The following KIAA0825 variants were observed in gnomAD, a reference collection of about 807,000 sequenced individuals.
KIAA0825 encodes the protein KIAA0825.
In KIAA0825, 119 loss-of-function variants were observed where a neutral mutation model predicts 147.6. The observed-to-expected ratio is 0.81, with a 90% CI of 0.69 to 0.94. KIAA0825 has a LOEUF of 0.94. Ranked by LOEUF, KIAA0825 falls within the 40% of genes least tolerant of loss-of-function variation. The pLI, the probability that KIAA0825 is intolerant of heterozygous loss-of-function variation, is 0.00. For missense variants in KIAA0825, 1,381 were observed against 1,472.7 expected (o/e 0.94, Z 1.02); for synonymous variants, 470 against 518.1 (o/e 0.91, Z 1.26).
chr5:94,438,391 G>A (rs953599083), intron 14 of KIAA0825, among the ~76,000 whole-genome samples: 6 of 152,214 alleles, frequency 3.9e-5, no homozygotes, highest in Non-Finnish European at 5.9e-5. Context: ...ATGTGAGGAA[G>A]TAGATTCCCT....
intron 20 of KIAA0825, among the ~76,000 whole-genome samples, chr5:94,374,597 G>A (rs986628974): frequency 2.0e-5 from 3 of 152,166 alleles, no homozygotes; most frequent in Non-Finnish European, 4.4e-5. Context: ...TATAGCCAGT[G>A]TCTGAGCAAG....
intron 20 of KIAA0825, among the ~76,000 whole-genome samples, chr5:94,279,126 G>T (rs996360304): frequency 6.6e-6 from 1 of 152,014 alleles, no homozygotes; most frequent in Non-Finnish European, 1.5e-5. Flanking sequence ...GTAACAGGCT[G>T]TAGGAAAAAT....
intron 20 of KIAA0825, among the ~76,000 whole-genome samples, chr5:94,383,874 A>G (rs1748776628): frequency 2.0e-5 from 3 of 151,870 alleles, no homozygotes; most frequent in Admixed American, 1.3e-4. Context: ...GACAGTACCA[A>G]CATAACTGGC....
intron 20 of KIAA0825, among the ~76,000 whole-genome samples, chr5:94,347,169 G>C (rs1437193348): frequency 1.3e-5 from 2 of 152,114 alleles, no homozygotes; most frequent in Non-Finnish European, 2.9e-5. Flanking sequence ...CCTAAGAAGA[G>C]TCTCAGCTCA....
At chr5:94,227,662 G>A (rs1252591457) in intron 20 of KIAA0825, among the ~76,000 whole-genome samples, 13 of 152,110 alleles carry the variant, frequency 8.5e-5, no homozygotes, top group African/African-American at 3.1e-4. Flanking sequence ...ATGAGTTCAT[G>A]TCCTTTGCAG....
chr5:94,292,450 A>G (rs900123617), intron 20 of KIAA0825, among the ~76,000 whole-genome samples: 2 of 152,156 alleles, frequency 1.3e-5, no homozygotes, highest in African/African-American at 4.8e-5. Flanking sequence ...CATCCCAGGG[A>G]TGAAAGCGAC....
rs530115638 is a variant in KIAA0825 at position 94,271,160 on chromosome 5, C to T, written c.3710+113208G>A. On this transcript the variant is annotated intron_variant, in intron 20 of 20. Transcript: ENST00000682413. ...GACTAAAGACTTAAATCTAAGACCT[C>T]AAACTAAAGAAAACATTATAAGAAC... Among the ~76,000 whole-genome samples the T allele has an allele frequency of 3.9e-5, 6 of 152,014 alleles. No homozygotes were observed. In the South Asian group the frequency reaches 1.2e-3, roughly 31 times the overall value.
intron 5 of KIAA0825, among the ~76,000 whole-genome samples, chr5:94,516,575 G>A (rs1017468005): frequency 1.3e-5 from 2 of 151,466 alleles, no homozygotes; most frequent in Middle Eastern, 3.4e-3. Flanking sequence ...AGGCCGAGGC[G>A]GGCGGATCAC....
Position 94,152,844 on chromosome 5 carries a change from AAAAAAAAAAAATTATATATATAT to A in KIAA0825, c.*1140_*1162del, listed in dbSNP as rs1562283955. ...ATGAAAAAAAAAAAAAAAAAAAAAAAAAAAAAAAAAATTATATATATATATATATATATATATATATATATATA... is the reference window on the plus strand; with the variant it reads ...ATGAAAAAAAAAAAAAAAAAAAAAAAATATATATATATATATATATATATA... On this transcript the variant is annotated 3_prime_UTR_variant, in exon 21 of 21. Transcript: ENST00000682413. The A allele has an allele frequency of 1.4e-4, 5 of 36,280 alleles. No homozygotes were observed. Among genetic ancestry groups the A allele is most frequent in the African/African-American group, 5.0e-4 (5 of 10,058 alleles). 2.2% of individuals were successfully genotyped at this position (36,280 alleles called of 1,614,324 possible).
intron 20 of KIAA0825, among the ~76,000 whole-genome samples, chr5:94,307,436 G>C (rs1427699489): frequency 6.6e-6 from 1 of 151,640 alleles, no homozygotes; most frequent in Non-Finnish European, 1.5e-5. Flanking sequence ...CTGTCACTGT[G>C]CTCAAAGCCC....
intron 2 of KIAA0825, among the ~76,000 whole-genome samples, chr5:94,558,896 TA>T (rs1777054804): frequency 6.6e-6 from 1 of 152,230 alleles, no homozygotes; most frequent in Admixed American, 6.5e-5. Flanking sequence ...AGAAGGATCA[TA>T]ACAAACAGAT....
chr5:94,503,087 T>A (rs201268178), intron 5 of KIAA0825, among the ~76,000 whole-genome samples: 2 of 141,872 alleles, frequency 1.4e-5, no homozygotes, highest in African/African-American at 5.2e-5. Flanking sequence ...TATATATATA[T>A]GATATATATA....
At chr5:94,618,303 G>A (rs1481667526) in intron 1 of KIAA0825, 197 bp downstream of exon 1, 2 of 152,266 alleles carry the variant, frequency 1.3e-5, no homozygotes, top group African/African-American at 4.8e-5. Flanking sequence ...GACAGATTTT[G>A]CGAGTGGATA....
chr5:94,418,308 A>G (rs1048583650), intron 14 of KIAA0825, among the ~76,000 whole-genome samples: 1 of 152,148 alleles, frequency 6.6e-6, no homozygotes, highest in African/African-American at 2.4e-5. Context: ...GCTCACTGTT[A>G]TCTTCAAACT....
chr5:94,489,546 C>T (rs1181941503), intron 5 of KIAA0825, among the ~76,000 whole-genome samples: 2 of 148,318 alleles, frequency 1.3e-5, no homozygotes, highest in Non-Finnish European at 3.0e-5. Context: ...CAAAAAGTTG[C>T]TATTGCATAA....
At position 94,439,975 on chromosome 5, in the gene KIAA0825, T is replaced by A. The variant is rs1372816852; in HGVS notation, c.2497+7A>T. ...TCGAGGACATTCTTATAACTACACA[T>A]ACTCACTTGAGCTCTTCAGCAAGAT... On this transcript the variant is annotated splice_region_variant and intron_variant, in intron 14 of 20. Coordinates refer to ENST00000682413, the MANE Select transcript of KIAA0825 (RefSeq NM_001145678.3). 1.9e-6 allele frequency: 3 copies of A among 1,550,452 alleles called. No homozygotes were observed. Among genetic ancestry groups the A allele is most frequent in the Non-Finnish European group, 2.6e-6 (3 of 1,146,332 alleles).
intron 20 of KIAA0825, among the ~76,000 whole-genome samples, chr5:94,232,352 A>C (rs1320690826): frequency 6.6e-6 from 1 of 151,960 alleles, no homozygotes; most frequent in East Asian, 1.9e-4. Context: ...TTCCTTTGTT[A>C]CTTTAAAGGA....
chr5:94,159,724 C>T (rs140280173), intron 20 of KIAA0825, among the ~76,000 whole-genome samples: 99 of 152,066 alleles, frequency 6.5e-4, no homozygotes, highest in African/African-American at 1.9e-3. Flanking sequence ...TTTTGTTTTC[C>T]TATAATCACT....
chr5:94,256,836 A>G (rs190864986), intron 20 of KIAA0825, among the ~76,000 whole-genome samples: 19 of 152,232 alleles, frequency 1.2e-4, no homozygotes, highest in African/African-American at 4.6e-4. Context: ...TAGAACTTCA[A>G]AGGAGTTCCT....
Sources: gnomAD v4.1 joint callset for allele counts (sites outside exome capture counted in the v4.1 genomes callset) on GRCh38, gnomAD v4.1.1 for gene constraint, MANE v1.5 for transcripts, NCBI Gene and HGNC (gene_info 2026-07-23, HGNC 2026-07-21) for gene names.